The following PDE1C variants were observed in gnomAD, a reference collection of about 807,000 sequenced individuals.
PDE1C encodes the protein phosphodiesterase 1C.
PDE1C carries 62 observed loss-of-function variants against 93.1 expected under a neutral mutation model. The observed-to-expected ratio is 0.67, with a 90% CI of 0.54 to 0.82. The LOEUF (loss-of-function observed/expected upper bound fraction) is 0.82. PDE1C is among the 40% of genes least tolerant of loss of function. The probability of loss-of-function intolerance (pLI) is 0.00; values close to 1 mark genes in which losing one functional copy is unlikely to be tolerated. For synonymous variants in PDE1C, 325 were observed against 310.1 expected (o/e 1.05, Z -0.50); for missense variants, 742 against 884.6 (o/e 0.84, Z 2.04).
intron 7 of PDE1C, 130 bp from the exon 8 acceptor site, chr7:31,850,871 G>C: frequency 3.0e-6 from 2 of 677,352 alleles, no homozygotes; most frequent in Middle Eastern, 4.0e-4. Flanking sequence ...CAAGTTTTCT[G>C]AGAGACAGAA....
rs74388296 is a variant in PDE1C, at chr7:31,983,449, A to G, written c.128+68105T>C. Among the ~76,000 whole-genome samples the G allele has an allele frequency of 1.9e-4, 29 of 152,310 alleles. No homozygotes were observed. The East Asian group carries it at 5.4e-3, about 28-fold the overall frequency. On this transcript the variant is annotated intron_variant, in intron 2 of 17. Transcript: ENST00000396191. ...TAAAACACCACAGAAAATCTGACAC[A>G]ATAGCAAATGCACTGAATGATGCAT...
intron 1 of PDE1C, among the ~76,000 whole-genome samples, chr7:32,404,743 A>G (rs1785017536): frequency 6.6e-6 from 1 of 151,934 alleles, no homozygotes. Context: ...TACACCTTGG[A>G]GCTATTTGGT....
At chr7:32,380,888 G>A (rs1784522508) in intron 1 of PDE1C, among the ~76,000 whole-genome samples, 1 of 151,816 alleles carries the variant, frequency 6.6e-6, no homozygotes, top group South Asian at 2.1e-4. Context: ...CACTCCCCAG[G>A]TGACCCATTT....
At chr7:31,965,142 A>C (rs1809704776) in intron 2 of PDE1C, among the ~76,000 whole-genome samples, 1 of 151,284 alleles carries the variant, frequency 6.6e-6, no homozygotes, top group Non-Finnish European at 1.5e-5. Context: ...AGAAGGCTTC[A>C]GAAGATCAAA....
At chr7:32,052,455 C>T in intron 1 of PDE1C, 1 of 425,328 alleles carries the variant, frequency 2.4e-6, no homozygotes, top group Non-Finnish European at 4.8e-6. Flanking sequence ...TTTTTGTAGA[C>T]TCTGAAGACC....
the PDE1C span, among the ~76,000 whole-genome samples, chr7:31,688,811 T>G: frequency 6.6e-6 from 1 of 152,226 alleles, no homozygotes; most frequent in African/African-American, 2.4e-5. Flanking sequence ...TCTTGCATAC[T>G]ACACTGAATA....
intron 1 of PDE1C, among the ~76,000 whole-genome samples, chr7:32,282,645 G>A (rs1466478291): frequency 1.9e-4 from 3 of 15,956 alleles, no homozygotes; most frequent in East Asian, 2.3e-3. Context: ...GCAATGGCAC[G>A]ATCTCGGCTC....
At chr7:31,652,774 C>T in the PDE1C span, 1 of 1,613,850 alleles carries the variant, frequency 6.2e-7, no homozygotes, top group Non-Finnish European at 8.5e-7. Context: ...AAGTTAGGTC[C>T]AACCCCTTTG....
At chr7:31,777,068 C>A (rs1451012671) in intron 16 of PDE1C, among the ~76,000 whole-genome samples, 2 of 151,200 alleles carry the variant, frequency 1.3e-5, no homozygotes, top group Non-Finnish European at 2.9e-5. Flanking sequence ...GTGTAGCACA[C>A]CAACATGGCA....
At chr7:32,211,203 C>CT (rs1806003292) in intron 1 of PDE1C, among the ~76,000 whole-genome samples, 1 of 152,064 alleles carries the variant, frequency 6.6e-6, no homozygotes, top group African/African-American at 2.4e-5. Context: ...AAGCGAAACT[C>CT]TATCTCAAAA....
At position 32,339,844 on chromosome 7, in the gene PDE1C, G is replaced by T. The variant is rs533423313; in HGVS notation, c.310+87978C>A. Among the ~76,000 whole-genome samples, 92 of 151,460 alleles carry T rather than the reference G, an allele frequency of 6.1e-4. 4 individuals carry two copies. The South Asian group carries it at 0.019, about 31-fold the overall frequency. On this transcript the variant is annotated intron_variant, in intron 1 of 1. Coordinates refer to the PDE1C transcript ENST00000672256. ...TAAAAGAATGTTTGTAGAGAACTGT[G>T]GTAGGGCCACCCTGCGGTGTAGGGT... is the stretch of plus-strand genomic sequence containing the variant.
chr7:32,169,669 T>C, intron 3 of PDE1C: 2 of 842,074 alleles, frequency 2.4e-6, no homozygotes, highest in Non-Finnish European at 3.9e-6. Flanking sequence ...AATTTTAATT[T>C]ATTCAGTGCA....
intron 3 of PDE1C, among the ~76,000 whole-genome samples, chr7:32,086,660 T>C (rs1310687573): frequency 2.0e-5 from 3 of 152,096 alleles, no homozygotes; most frequent in East Asian, 1.9e-4. Flanking sequence ...AACAGAGATA[T>C]AGATCAATGG....
intron 3 of PDE1C, among the ~76,000 whole-genome samples, chr7:32,141,594 G>T (rs143815537): frequency 2.2e-4 from 33 of 152,266 alleles, no homozygotes; most frequent in South Asian, 2.1e-4. Context: ...TATTTGACCA[G>T]TATTCCTCAA....
intron 1 of PDE1C, among the ~76,000 whole-genome samples, chr7:32,315,794 G>A (rs949263542): frequency 2.6e-5 from 4 of 152,044 alleles, no homozygotes; most frequent in Admixed American, 6.6e-5. Context: ...TTGGGTGTTC[G>A]AGACCAGCCT....
chr7:31,826,827 C>T (rs180685050), intron 12 of PDE1C, among the ~76,000 whole-genome samples: 119 of 152,288 alleles, frequency 7.8e-4, no homozygotes, highest in African/African-American at 2.8e-3. Context: ...ACAGGGTAGG[C>T]AAACTTTATC....
the PDE1C span, among the ~76,000 whole-genome samples, chr7:31,688,496 G>A: frequency 1.3e-5 from 2 of 152,220 alleles, no homozygotes; most frequent in Non-Finnish European, 2.9e-5. Flanking sequence ...TTTCAGCTCC[G>A]CTGGTGTGCC....
chr7:32,250,243 C>T (rs1308978794), intron 1 of PDE1C, among the ~76,000 whole-genome samples: 2 of 152,134 alleles, frequency 1.3e-5, no homozygotes, highest in Middle Eastern at 3.2e-3. Flanking sequence ...GTGCTACTAT[C>T]CCCATTTTAT....
intron 1 of PDE1C, among the ~76,000 whole-genome samples, chr7:32,355,342 A>G (rs1240780640): frequency 6.6e-6 from 1 of 152,242 alleles, no homozygotes; most frequent in Non-Finnish European, 1.5e-5. Context: ...AGACTTAAAT[A>G]GAAAACACGC....
Sources: allele counts gnomAD v4.1 joint callset (sites outside exome capture counted in the v4.1 genomes callset), GRCh38; gene constraint gnomAD v4.1.1; transcripts MANE v1.5; gene names NCBI Gene and HGNC (gene_info 2026-07-23, HGNC 2026-07-21).